DNAH8: variants seen among roughly 807,000 people sequenced by gnomAD.
DNAH8 encodes axonemal beta dynein heavy chain 8.
DNAH8 carries 382 observed loss-of-function variants against 562.1 expected under a neutral mutation model. That is an observed-to-expected ratio of 0.68 (90% CI 0.63 to 0.74). The LOEUF is 0.74. Among genes scored for constraint, DNAH8 ranks in the 30% least tolerant of loss-of-function variants. The probability of loss-of-function intolerance (pLI) is 0.00; values close to 1 mark genes in which losing one functional copy is unlikely to be tolerated. For missense variants in DNAH8, 5,203 were observed against 5,620.4 expected, an observed-to-expected ratio of 0.93 and a Z score of 2.37; for synonymous variants, 1,881 against 1,919.4, an observed-to-expected ratio of 0.98 and a Z score of 0.52.
At chr6:38,772,422 G>C (rs865827795) in intron 12 of DNAH8, among the ~76,000 whole-genome samples, 4 of 152,132 alleles carry the variant, frequency 2.6e-5, no homozygotes, top group Non-Finnish European at 4.4e-5. Context: ...GTATCTCATT[G>C]AAGTTTTGAT....
chr6:38,921,926 G>C (rs1201384660), intron 71 of DNAH8, among the ~76,000 whole-genome samples: 1 of 152,036 alleles, frequency 6.6e-6, no homozygotes, highest in African/African-American at 2.4e-5. Context: ...TACAGTCAAA[G>C]GGAGTTGTTC....
At chr6:38,989,355 T>C (rs1165917218) in intron 87 of DNAH8, among the ~76,000 whole-genome samples, 1 of 152,242 alleles carries the variant, frequency 6.6e-6, no homozygotes, top group African/African-American at 2.4e-5. Flanking sequence ...AGAATAAGTC[T>C]ATTCACACCA....
intron 88 of DNAH8, among the ~76,000 whole-genome samples, chr6:39,004,632 A>G (rs974051993): frequency 1.3e-5 from 2 of 152,224 alleles, no homozygotes; most frequent in African/African-American, 2.4e-5. Flanking sequence ...TACCACTACA[A>G]TATAACGTTA....
At chr6:38,877,588 T>C (rs1013129299) in intron 53 of DNAH8, among the ~76,000 whole-genome samples, 6 of 152,286 alleles carry the variant, frequency 3.9e-5, no homozygotes, top group East Asian at 1.9e-4. Flanking sequence ...GGCCACGAAA[T>C]GAACTAAGAT....
intron 29 of DNAH8, 52 bp from the exon 30 acceptor site, chr6:38,828,132 T>A (rs947210569): frequency 8.7e-7 from 1 of 1,154,354 alleles, no homozygotes; most frequent in African/African-American, 1.6e-5. Context: ...TCTAAATCAT[T>A]TGGCAATGGC....
chr6:38,902,532 C>G (rs1205148179), intron 62 of DNAH8, among the ~76,000 whole-genome samples: 1 of 152,178 alleles, frequency 6.6e-6, no homozygotes, highest in African/African-American at 2.4e-5. Flanking sequence ...CCCGTGTTTT[C>G]CCATCACTCC....
chr6:38,812,684 A>G (rs1281083090), intron 24 of DNAH8, among the ~76,000 whole-genome samples: 1 of 152,142 alleles, frequency 6.6e-6, no homozygotes, highest in African/African-American at 2.4e-5. Flanking sequence ...GTTTAGATGC[A>G]GGTGGATTTC....
Position 38,722,956 on chromosome 6 carries a change from T to C in DNAH8, c.147T>C (p.Pro49=). The change falls in exon 2 of 93, where the codon CCT becomes CCC. Residue 49 remains proline, a synonymous_variant. Coordinates refer to ENST00000327475, the MANE Select transcript of DNAH8 (RefSeq NM_001206927.2). ...VEAPAEDGFS[P]SAEDAVSSVV... The stretch of plus-strand genomic sequence containing the variant: ...CCCCGGCAGAAGATGGTTTCTCTCC[T>C]TCCGCAGAAGATGCTGTTTCTTCTG... 1 of 1,612,724 alleles carries C rather than the reference T, an allele frequency of 6.2e-7. No individual in the cohort carries two copies. Among genetic ancestry groups the C allele is most frequent in the Non-Finnish European group, 8.5e-7 (1 of 1,179,748 alleles).
Position 38,862,469 on chromosome 6 carries a change from A to T in DNAH8, c.6310+11A>T. ...GAAGGATTTTCAAAGGCAAGTGTCA[A>T]ATAATGTAGATTATTTTAGGTGAAT... On this transcript the variant is annotated intron_variant, in intron 44 of 92. Coordinates refer to ENST00000327475, the MANE Select transcript of DNAH8 (RefSeq NM_001206927.2). The T allele has an allele frequency of 6.3e-7, 1 of 1,594,078 alleles. No homozygotes were observed. The highest frequency in any genetic ancestry group is 1.1e-5 in the South Asian group (1 of 87,348).
At position 38,915,210 on chromosome 6, in the gene DNAH8, G is replaced by A. The variant is rs1781214468; in HGVS notation, c.9973G>A (p.Glu3325Lys). ...TTCCTCAACTTAACAGGTATTAGCA[G>A]AAGTCACAGTAAGCGCTCAGGCTTC... ...ASIKADEVLA[E>K]VTVSAQASAK... is the part of the protein sequence containing the mutation. The change falls in exon 68 of 93, where the codon GAA (glutamate) becomes AAA (lysine). Residue 3325 changes from glutamate to lysine, a missense_variant. Transcript: ENST00000327475. The A allele has an allele frequency of 6.3e-7, 1 of 1,599,532 alleles. No individual in the cohort carries two copies. Among genetic ancestry groups the A allele is most frequent in the African/African-American group, 1.4e-5 (1 of 73,922 alleles).
At chr6:38,732,725 T>G (rs1170734735) in intron 4 of DNAH8, among the ~76,000 whole-genome samples, 1 of 152,130 alleles carries the variant, frequency 6.6e-6, no homozygotes, top group East Asian at 1.9e-4. Context: ...TATATTCTTG[T>G]AGAGTCTAAT....
Position 38,860,472 on chromosome 6 carries a change from A to G in DNAH8, c.5974A>G (p.Lys1992Glu). The change falls in exon 43 of 93, where the codon AAA becomes GAA. Residue 1992 changes from lysine (K) to glutamate (E), a missense_variant. Around this residue, in one of 6 missense-constraint regions of DNAH8, gnomAD observed 2,176 missense variants for 2,365.1 expected, o/e 0.92. Coordinates refer to ENST00000327475, the MANE Select transcript of DNAH8 (RefSeq NM_001206927.2). ...IFDDLVKMHI[K>E]SPTDFEWLKQ... ...TGTTTTTAAGGTAAAAATGCATATCAAATCACCTACTGACTTTGAATGGCT... is the reference window on the plus strand; with the variant it reads ...TGTTTTTAAGGTAAAAATGCATATCGAATCACCTACTGACTTTGAATGGCT... The G allele has an allele frequency of 7.1e-7, 1 of 1,417,684 alleles. No homozygotes were observed. The highest frequency in any genetic ancestry group is 9.3e-7 in the Non-Finnish European group (1 of 1,079,232). The allele number at this position is 1,417,684 out of a possible 1,614,324, so 87.8% of individuals were successfully genotyped here.
At chr6:38,917,784 G>GAGTGCAACAGGATTCCTGTGGAGC in intron 69 of DNAH8, 141 bp from the exon 70 acceptor site, 1 of 610,652 alleles carries the variant, frequency 1.6e-6, no homozygotes, top group South Asian at 2.7e-5. Context: ...ATTTAGGTTG[G>GAGTGCAACAGGATTCCTGTGGAGC]CTACTGCCAA....
intron 4 of DNAH8, among the ~76,000 whole-genome samples, chr6:38,731,845 G>T (rs1409828871): frequency 6.6e-6 from 1 of 152,166 alleles, no homozygotes; most frequent in Non-Finnish European, 1.5e-5. Flanking sequence ...CTCCTGAGTA[G>T]CTGGGATTAC....
rs1767617378 is a variant in DNAH8 at position 39,030,699 on chromosome 6, G to A, written c.*307G>A. 6.6e-6 allele frequency among the ~76,000 whole-genome samples: 1 copy of A among 152,200 alleles called. No individual in the cohort carries two copies. The highest frequency in any genetic ancestry group is 2.1e-4 in the South Asian group (1 of 4,830). On this transcript the variant is annotated 3_prime_UTR_variant, in exon 93 of 93. Coordinates refer to ENST00000327475, the MANE Select transcript of DNAH8 (RefSeq NM_001206927.2). ...CTCTGAATTTTAAAAATTTGAAAGT[G>A]TTGATATGTGACATCCTAAAAAGAG...
At chr6:38,957,510 A>G (rs902581808) in intron 82 of DNAH8, among the ~76,000 whole-genome samples, 8 of 151,496 alleles carry the variant, frequency 5.3e-5, no homozygotes, top group South Asian at 2.1e-4. Context: ...CATTCCATCC[A>G]ATAGTTGTAA....
Position 38,906,535 on chromosome 6 carries a change from C to T in DNAH8, c.9348+128C>T, listed in dbSNP as rs185985805. ...TTTTATTTTAGACATGGTTAATGTA[C>T]GAGATTTAGCAGATTTTCTGAAGTT... On this transcript the variant is annotated intron_variant, in intron 63 of 92. Transcript: ENST00000327475. 129 of 710,300 alleles carry T rather than the reference C, an allele frequency of 1.8e-4. No homozygotes were observed. In the East Asian group the frequency reaches 3.0e-3, roughly 16 times the overall value. 44.0% of individuals were successfully genotyped at this position (710,300 alleles called of 1,614,324 possible). A position where few individuals can be genotyped will look rare whatever the true frequency, so the allele number is the denominator to read the frequency against.
In DNAH8 at chr6:38,851,325, C is replaced by G. The variant is rs559516788; in HGVS notation, c.5364-247C>G. Among the ~76,000 whole-genome samples, 4 of 152,248 alleles carry G rather than the reference C, an allele frequency of 2.6e-5. No individual in the cohort carries two copies. The South Asian group carries it at 8.3e-4, about 32-fold the overall frequency. ...TCTCAGAAAGGTCATAGGAGGGCAT[C>G]TGATGAGAAAGGAGAGGACAGCAGA... On this transcript the variant is annotated intron_variant, in intron 38 of 92. Transcript: ENST00000327475.
chr6:39,022,765 G>A (rs756508441), intron 91 of DNAH8, among the ~76,000 whole-genome samples: 14 of 152,202 alleles, frequency 9.2e-5, no homozygotes, highest in Non-Finnish European at 1.8e-4. Context: ...CTGGGAGGGA[G>A]GGCCACACCC....
Sources: gnomAD v4.1 joint callset for allele counts (sites outside exome capture counted in the v4.1 genomes callset) on GRCh38, gnomAD v4.1.1 for gene constraint, gnomAD v4.1.1 regional missense constraint, MANE v1.5 for transcripts, NCBI Gene and HGNC (gene_info 2026-07-23, HGNC 2026-07-21) for gene names.